The following RANBP17 variants were observed in gnomAD, a reference collection of about 807,000 sequenced individuals.
RANBP17 encodes ran-binding protein 17.
A neutral mutation model predicts 141.2 loss-of-function variants in RANBP17; 158 were observed. That is an observed-to-expected ratio of 1.12 (90% CI 0.98 to 1.28). The LOEUF (loss-of-function observed/expected upper bound fraction) is 1.28, where lower values mean the gene tolerates loss of function less well. RANBP17 is among the 50% of genes most tolerant of loss of function. RANBP17 has a pLI of 0.00. For synonymous variants in RANBP17, 430 were observed against 450.0 expected (o/e 0.96, Z 0.56); for missense variants, 1,438 against 1,290.7 (o/e 1.11, Z -1.75).
chr5:170,960,267 T>C (rs1181365592), intron 13 of RANBP17, among the ~76,000 whole-genome samples: 1 of 152,220 alleles, frequency 6.6e-6, no homozygotes, highest in Non-Finnish European at 1.5e-5. Flanking sequence ...TTGTCACTTG[T>C]TGTTTTTAAC....
At chr5:171,089,699 T>G (rs1315884868) in intron 14 of RANBP17, among the ~76,000 whole-genome samples, 3 of 152,170 alleles carry the variant, frequency 2.0e-5, no homozygotes, top group Non-Finnish European at 4.4e-5. Context: ...AGCGCAATAT[T>G]CGGGTGGGAG....
intron 8 of RANBP17, among the ~76,000 whole-genome samples, chr5:170,915,067 T>A (rs1253645344): frequency 6.6e-6 from 1 of 152,150 alleles, no homozygotes; most frequent in Non-Finnish European, 1.5e-5. Context: ...TAAACTGGGT[T>A]TCTCAGGGTA....
intron 14 of RANBP17, among the ~76,000 whole-genome samples, chr5:171,138,555 A>AG (rs1757471456): frequency 6.6e-6 from 1 of 151,672 alleles, no homozygotes; most frequent in Admixed American, 6.6e-5. Flanking sequence ...AAAAAAAAAA[A>AG]AGTCCTGAGA....
Position 170,862,116 on chromosome 5 carries a change from G to A in RANBP17, c.18+65G>A, listed in dbSNP as rs1766836024. On this transcript the variant is annotated intron_variant, in intron 1 of 27. Coordinates refer to ENST00000523189, the MANE Select transcript of RANBP17 (RefSeq NM_022897.5). ...CTGGGAACCCGGCGGGACGCGTCTGGAGACCGAGGGCCGAGGACAGCGGCG... is the reference window on the plus strand; with the variant it reads ...CTGGGAACCCGGCGGGACGCGTCTGAAGACCGAGGGCCGAGGACAGCGGCG... The A allele has an allele frequency of 7.3e-5, 102 of 1,393,686 alleles. No homozygotes were observed. In the South Asian group the frequency reaches 1.5e-3, roughly 21 times the overall value. 86.3% of individuals were successfully genotyped at this position (1,393,686 alleles called of 1,614,324 possible). A position where few individuals can be genotyped will look rare whatever the true frequency, so the allele number is the denominator to read the frequency against.
intron 25 of RANBP17, among the ~76,000 whole-genome samples, chr5:171,274,183 T>G (rs936911129): frequency 6.6e-5 from 10 of 150,410 alleles, no homozygotes; most frequent in Admixed American, 1.3e-4. Context: ...ATCTAACTAC[T>G]GAGGATCAAA....
intron 14 of RANBP17, among the ~76,000 whole-genome samples, chr5:171,102,964 C>T (rs1301745794): frequency 2.6e-5 from 4 of 152,160 alleles, no homozygotes; most frequent in African/African-American, 4.8e-5. Flanking sequence ...CTGTTTGTTC[C>T]TCTGGAAGCT....
intron 12 of RANBP17, among the ~76,000 whole-genome samples, chr5:170,932,562 ATT>A (rs55746840): frequency 6.6e-6 from 1 of 151,614 alleles, no homozygotes; most frequent in Non-Finnish European, 1.5e-5. Context: ...AATAGCTCTT[ATT>A]TTTTTTGAGA....
chr5:171,184,393 T>C (rs1367008790), intron 18 of RANBP17, among the ~76,000 whole-genome samples: 2 of 152,070 alleles, frequency 1.3e-5, no homozygotes, highest in African/African-American at 4.8e-5. Context: ...AGAGGACAAA[T>C]ACTATATGAT....
At chr5:171,254,907 A>G (rs1333837997) in intron 24 of RANBP17, among the ~76,000 whole-genome samples, 2 of 152,224 alleles carry the variant, frequency 1.3e-5, no homozygotes, top group African/African-American at 2.4e-5. Context: ...GTCTGCTGCT[A>G]TTATTAACAT....
At chr5:171,274,167 C>CGT (rs1767352026) in intron 25 of RANBP17, among the ~76,000 whole-genome samples, 1 of 147,936 alleles carries the variant, frequency 6.8e-6, no homozygotes, top group Non-Finnish European at 1.5e-5. Context: ...CGCGCGCGTG[C>CGT]GCAAAATCTA....
At position 171,258,707 on chromosome 5, in the gene RANBP17, T is replaced by G. The variant is rs370519221; in HGVS notation, c.2777-6974T>G. Reference sequence around the variant, plus strand: ...GCAGAAGAATGAAACTGGACCCCTATCTCACCATGTAAAAAAATCAACTCA... The same window carrying G: ...GCAGAAGAATGAAACTGGACCCCTAGCTCACCATGTAAAAAAATCAACTCA... On this transcript the variant is annotated intron_variant, in intron 24 of 27. Transcript: ENST00000523189. Among the ~76,000 whole-genome samples the G allele has an allele frequency of 3.7e-4, 56 of 152,162 alleles. No homozygotes were observed. The East Asian group carries it at 0.011, about 29-fold the overall frequency.
intron 14 of RANBP17, among the ~76,000 whole-genome samples, chr5:171,096,688 C>CTT (rs1188866955): frequency 6.6e-6 from 1 of 152,050 alleles, no homozygotes; most frequent in African/African-American, 2.4e-5. Flanking sequence ...AATGTTGAAA[C>CTT]TTACAGAGAA....
In RANBP17 at chr5:171,055,880, C is replaced by CAAAAAAAAAAAAAAA. The variant is rs72488636; in HGVS notation, c.1710+87505_1710+87519dup. On this transcript the variant is annotated intron_variant, in intron 14 of 27. Coordinates refer to ENST00000523189, the MANE Select transcript of RANBP17 (RefSeq NM_022897.5). ...AGTTTCTCCAGTTGTGTCCTGTTGC[C>CAAAAAAAAAAAAAAA]AAAAAAAAAAAAAAAACAAAAAAAA... Among the ~76,000 whole-genome samples the CAAAAAAAAAAAAAAA allele has an allele frequency of 2.4e-4, 6 of 25,098 alleles. 1 individual carries two copies. The highest frequency in any genetic ancestry group is 5.2e-4 in the African/African-American group (5 of 9,562). The allele number at this position is 25,098 out of a possible 152,430, so 16.5% of individuals were successfully genotyped here.
At chr5:171,105,398 AAAAAAAAAT>A (rs1169767685) in intron 14 of RANBP17, among the ~76,000 whole-genome samples, 1 of 147,508 alleles carries the variant, frequency 6.8e-6, no homozygotes, top group South Asian at 2.2e-4. Context: ...AAAAAAAAAA[AAAAAAAAAT>A]TTTCCTGGGA....
At chr5:171,022,593 T>C (rs916188845) in intron 14 of RANBP17, among the ~76,000 whole-genome samples, 3 of 152,178 alleles carry the variant, frequency 2.0e-5, no homozygotes, top group African/African-American at 7.2e-5. Flanking sequence ...AGCCGGTGTG[T>C]TGGGCTGTGG....
chr5:171,285,088 C>T (rs1768084908), intron 25 of RANBP17, among the ~76,000 whole-genome samples: 2 of 152,242 alleles, frequency 1.3e-5, no homozygotes, highest in African/African-American at 2.4e-5. Context: ...GCTGTTCGTT[C>T]CTCAAACATG....
chr5:171,092,346 A>G (rs1253959053), intron 14 of RANBP17, among the ~76,000 whole-genome samples: 1 of 152,226 alleles, frequency 6.6e-6, no homozygotes, highest in Non-Finnish European at 1.5e-5. Context: ...CTATGACTAC[A>G]AAAAGAAATT....
intron 16 of RANBP17, among the ~76,000 whole-genome samples, chr5:171,172,714 C>T (rs1760186533): frequency 6.6e-6 from 1 of 151,196 alleles, no homozygotes; most frequent in South Asian, 2.1e-4. Flanking sequence ...TTAGATTTAC[C>T]CTATTTTTTT....
chr5:171,210,382 A>G (rs1762806590), intron 20 of RANBP17, among the ~76,000 whole-genome samples: 1 of 152,158 alleles, frequency 6.6e-6, no homozygotes, highest in Non-Finnish European at 1.5e-5. Flanking sequence ...TCCACACAGA[A>G]AAAGGAGCAT....
Sources: allele counts gnomAD v4.1 joint callset (sites outside exome capture counted in the v4.1 genomes callset), GRCh38; gene constraint gnomAD v4.1.1; transcripts MANE v1.5; gene names NCBI Gene and HGNC (gene_info 2026-07-23, HGNC 2026-07-21).